The following SLC8A1 variants were observed in gnomAD, a reference collection of about 807,000 sequenced individuals.
SLC8A1 encodes sodium/calcium exchanger 1.
In SLC8A1, 18 loss-of-function variants were observed where a neutral mutation model predicts 68.3. The observed-to-expected ratio is 0.26, with a 90% confidence interval of 0.18 to 0.39. The LOEUF is 0.39. SLC8A1 is among the 10% of genes least tolerant of loss of function. The pLI is 1.00. For missense variants in SLC8A1, 985 were observed against 1,156.7 expected (o/e 0.85, Z 2.15); for synonymous variants, 475 against 415.5 (o/e 1.14, Z -1.74).
In SLC8A1 at chr2:40,242,743, G is replaced by A. The variant is rs368043519; in HGVS notation, c.1809-64888C>T. On this transcript the variant is annotated intron_variant, in intron 2 of 7. Transcript: ENST00000406785. Reference sequence around the variant, plus strand: ...TATCTATAATTACAAGAAACAACAAGAAACCAAAGAGGAATACAAATACAA... The same window carrying A: ...TATCTATAATTACAAGAAACAACAAAAAACCAAAGAGGAATACAAATACAA... 6.6e-5 allele frequency among the ~76,000 whole-genome samples: 10 copies of A among 152,210 alleles called. No homozygotes were observed. In the East Asian group the frequency reaches 1.2e-3, roughly 18 times the overall value.
At chr2:40,477,730 G>A (rs1218861918) in intron 1 of SLC8A1, among the ~76,000 whole-genome samples, 1 of 152,106 alleles carries the variant, frequency 6.6e-6, no homozygotes, top group East Asian at 1.9e-4. Context: ...ATGAGTGTGT[G>A]TGCCTGTGCG....
chr2:40,219,596 C>T (rs1007562332), intron 2 of SLC8A1, among the ~76,000 whole-genome samples: 3 of 152,154 alleles, frequency 2.0e-5, no homozygotes, highest in Non-Finnish European at 2.9e-5. Flanking sequence ...AGAAAACTTA[C>T]AAACATTTTT....
chr2:40,117,103 C>T (rs2035606897), intron 7 of SLC8A1: 1 of 152,098 alleles, frequency 6.6e-6, no homozygotes, highest in South Asian at 2.1e-4. Flanking sequence ...GTAGGAGAGG[C>T]TGTTTTTGTT....
intron 2 of SLC8A1, among the ~76,000 whole-genome samples, chr2:40,274,242 G>A (rs1052789375): frequency 6.7e-6 from 1 of 149,358 alleles, no homozygotes; most frequent in Non-Finnish European, 1.5e-5. Flanking sequence ...GGAAACCTGG[G>A]TACAGCATCT....
At chr2:40,229,637 G>C (rs1345745225) in intron 2 of SLC8A1, among the ~76,000 whole-genome samples, 1 of 152,094 alleles carries the variant, frequency 6.6e-6, no homozygotes, top group East Asian at 1.9e-4. Context: ...TCATTAATGT[G>C]CATCATCTCC....
chr2:40,500,348 C>T (rs907901393), intron 1 of SLC8A1, among the ~76,000 whole-genome samples: 22 of 152,036 alleles, frequency 1.4e-4, no homozygotes, highest in African/African-American at 5.1e-4. Flanking sequence ...AATCCATGGA[C>T]AAATGGCCTT....
intron 2 of SLC8A1, among the ~76,000 whole-genome samples, chr2:40,282,809 T>G (rs1045640806): frequency 2.0e-5 from 3 of 152,084 alleles, no homozygotes; most frequent in African/African-American, 7.2e-5. Context: ...CAAGGAGAAG[T>G]TGAACTCTGA....
At chr2:40,510,422 G>T (rs933533412) in intron 1 of SLC8A1, among the ~76,000 whole-genome samples, 1 of 152,174 alleles carries the variant, frequency 6.6e-6, no homozygotes, top group African/African-American at 2.4e-5. Context: ...GTGCACACTT[G>T]AAATGCACTT....
Position 40,450,795 on chromosome 2 carries a change from C to T in SLC8A1, c.-25+1109G>A, listed in dbSNP as rs1180386256. 3.3e-5 allele frequency among the ~76,000 whole-genome samples: 5 copies of T among 152,206 alleles called. No individual in the cohort carries two copies. The East Asian group carries it at 9.6e-4, about 29-fold the overall frequency. On this transcript the variant is annotated intron_variant, in intron 1 of 7. Transcript: ENST00000406785. Reference sequence around the variant, plus strand: ...TCGGGGGCTTCAAAAGGATACCTAGCGCAAAGCATGACTTTCCAATGACTG... The same window carrying T: ...TCGGGGGCTTCAAAAGGATACCTAGTGCAAAGCATGACTTTCCAATGACTG...
At chr2:40,165,153 A>T (rs1234771676) in intron 4 of SLC8A1, among the ~76,000 whole-genome samples, 169 bp from the exon 8 acceptor site, 1 of 152,204 alleles carries the variant, frequency 6.6e-6, no homozygotes, top group Non-Finnish European at 1.5e-5. Flanking sequence ...CTTGGCATGT[A>T]AGGCAGCATA....
At chr2:40,205,498 G>T (rs533358999) in intron 2 of SLC8A1, among the ~76,000 whole-genome samples, 1 of 152,028 alleles carries the variant, frequency 6.6e-6, no homozygotes, top group African/African-American at 2.4e-5. Flanking sequence ...GACTTTGCAG[G>T]GACATGGATG....
chr2:40,439,841 G>C (rs1176618614), intron 1 of SLC8A1, among the ~76,000 whole-genome samples: 3 of 152,106 alleles, frequency 2.0e-5, no homozygotes, highest in Non-Finnish European at 2.9e-5. Context: ...AAAAAGTCAA[G>C]GTGATGGGTG....
At chr2:40,357,317 C>T (rs535249466) in intron 2 of SLC8A1, among the ~76,000 whole-genome samples, 1 of 151,570 alleles carries the variant, frequency 6.6e-6, no homozygotes, top group African/African-American at 2.4e-5. Flanking sequence ...CATAGTGAGA[C>T]CCTGTCTCTA....
chr2:40,306,418 G>A (rs184670854), intron 2 of SLC8A1, among the ~76,000 whole-genome samples: 1 of 150,100 alleles, frequency 6.7e-6, no homozygotes, highest in Non-Finnish European at 1.5e-5. Context: ...AAGGTGTAAG[G>A]GCATTTAAGG....
intron 2 of SLC8A1, among the ~76,000 whole-genome samples, chr2:40,397,371 A>G (rs1375473130): frequency 6.6e-6 from 1 of 152,230 alleles, no homozygotes; most frequent in Non-Finnish European, 1.5e-5. Flanking sequence ...CCAACATGGA[A>G]TAATTGGCTT....
At chr2:40,231,891 C>T (rs972635572) in intron 2 of SLC8A1, among the ~76,000 whole-genome samples, 13 of 152,144 alleles carry the variant, frequency 8.5e-5, no homozygotes, top group Non-Finnish European at 1.6e-4. Flanking sequence ...TGGAACCAAA[C>T]TTGGCTGTCC....
At chr2:40,463,373 G>A (rs1362929158) in intron 1 of SLC8A1, among the ~76,000 whole-genome samples, 1 of 152,194 alleles carries the variant, frequency 6.6e-6, no homozygotes, top group African/African-American at 2.4e-5. Flanking sequence ...CATAGTACGT[G>A]TTGAACTTGT....
chr2:40,336,659 G>A (rs1666080065), intron 2 of SLC8A1, among the ~76,000 whole-genome samples: 1 of 152,172 alleles, frequency 6.6e-6, no homozygotes, highest in Admixed American at 6.5e-5. Context: ...CATAGATATA[G>A]ACTGTTAAGT....
At chr2:40,465,201 T>C (rs1341534996) in intron 1 of SLC8A1, among the ~76,000 whole-genome samples, 2 of 152,186 alleles carry the variant, frequency 1.3e-5, no homozygotes, top group African/African-American at 4.8e-5. Flanking sequence ...GAGCCAGGGA[T>C]ACAACACATC....
Sources: allele counts gnomAD v4.1 joint callset (sites outside exome capture counted in the v4.1 genomes callset), GRCh38; gene constraint gnomAD v4.1.1; transcripts MANE v1.5; gene names NCBI Gene and HGNC (gene_info 2026-07-23, HGNC 2026-07-21).